The following RILPL2 variants were observed in gnomAD, a reference collection of about 807,000 sequenced individuals.
RILPL2 encodes the protein RILP-like protein 2.
A neutral mutation model predicts 22.2 loss-of-function variants in RILPL2; 19 were observed. That is an observed-to-expected ratio of 0.86 (90% CI 0.60 to 1.25). The LOEUF is 1.25. Among genes scored for constraint, RILPL2 ranks in the 50% most tolerant of loss-of-function variants. The pLI, the probability that RILPL2 is intolerant of heterozygous loss-of-function variation, is 0.00. For missense variants in RILPL2, 243 were observed against 263.6 expected, an observed-to-expected ratio of 0.92 and a Z score of 0.54; for synonymous variants, 123 against 111.6, an observed-to-expected ratio of 1.10 and a Z score of -0.64.
chr12:123,429,424 T>G (rs1879543105), intron 2 of RILPL2, among the ~76,000 whole-genome samples: 1 of 152,100 alleles, frequency 6.6e-6, no homozygotes, highest in South Asian at 2.1e-4. Flanking sequence ...GCCTCCCAGG[T>G]AGCTGGGATT....
At chr12:123,414,085 C>A, downstream of RILPL2, 1 of 153,948 alleles carries the variant, frequency 6.5e-6, no homozygotes, top group Non-Finnish European at 1.4e-5. Flanking sequence ...GCAGATGGAG[C>A]TGCCTGCCAG....
rs755160810 is a variant in RILPL2 at position 123,436,041 on chromosome 12, C to T, written c.339+41G>A. On this transcript the variant is annotated intron_variant, in intron 1 of 3. Transcript: ENST00000280571. The surrounding 1 kb of genome is among the most constrained non-coding windows in gnomAD (Gnocchi z 6.7). ...TGCCAGTAGGTGCCCTCCTACGCCC[C>T]GCAGGCGCCGTGGGCCCGGAACCCT... is the stretch of plus-strand genomic sequence containing the variant. The T allele has an allele frequency of 6.5e-7, 1 of 1,542,430 alleles. No individual in the cohort carries two copies. The highest frequency in any genetic ancestry group is 1.4e-5 in the African/African-American group (1 of 72,940).
chr12:123,430,785 G>T, intron 1 of RILPL2, 126 bp from the exon 2 acceptor site: 1 of 654,774 alleles, frequency 1.5e-6, no homozygotes, highest in Non-Finnish European at 2.0e-6. Flanking sequence ...TTGGCTCCCT[G>T]CAACTTCGGG....
At chr12:123,419,599 C>CT (rs1314895860) in intron 3 of RILPL2, among the ~76,000 whole-genome samples, 8 of 145,770 alleles carry the variant, frequency 5.5e-5, no homozygotes, top group Admixed American at 2.2e-4. Context: ...TATTGACTCC[C>CT]TTTTTTCTTT....
chr12:123,427,537 C>T (rs1054170846), intron 2 of RILPL2, among the ~76,000 whole-genome samples: 1 of 151,794 alleles, frequency 6.6e-6, no homozygotes, highest in African/African-American at 2.4e-5. Context: ...CCATATTTCC[C>T]TGGAATTATA....
chr12:123,429,150 T>A (rs1706477), intron 2 of RILPL2, among the ~76,000 whole-genome samples: 2 of 151,790 alleles, frequency 1.3e-5, no homozygotes, highest in Admixed American at 1.3e-4. Flanking sequence ...TTAACTTTCC[T>A]TATTTTTTTT....
In RILPL2 at chr12:123,423,030, A is replaced by G. The variant is rs774258552; in HGVS notation, c.605+14T>C. ...TTATTTGGCGGGACCGGGGGGCAGC[A>G]AGGTGACACTTACAGCTTTTTTATG... is the stretch of plus-strand genomic sequence containing the variant. On this transcript the variant is annotated intron_variant, in intron 3 of 3. Transcript: ENST00000280571. 2 of 1,578,788 alleles carry G rather than the reference A, an allele frequency of 1.3e-6. No homozygotes were observed. The highest frequency in any genetic ancestry group is 2.2e-5 in the South Asian group (2 of 90,228).
chr12:123,410,288 T>C (rs1181369726), downstream of RILPL2, among the ~76,000 whole-genome samples: 2 of 152,244 alleles, frequency 1.3e-5, no homozygotes, highest in African/African-American at 4.8e-5. Flanking sequence ...TGCACCTGTC[T>C]TGGGCTGGAA....
At chr12:123,435,398 TG>T (rs1879766951) in intron 1 of RILPL2, among the ~76,000 whole-genome samples, 1 of 152,156 alleles carries the variant, frequency 6.6e-6, no homozygotes, top group Non-Finnish European at 1.5e-5. Context: ...TGAATCTTCT[TG>T]TCTATGTCTT....
rs758812211 is a variant in RILPL2 at position 123,423,037 on chromosome 12, CACTT to C, written c.605+3_605+6del. 15 of 1,596,616 alleles carry C rather than the reference CACTT, an allele frequency of 9.4e-6. No individual in the cohort carries two copies. The highest frequency in any genetic ancestry group is 1.1e-5 in the South Asian group (1 of 90,668). On this transcript the variant is annotated splice_donor_5th_base_variant and intron_variant, in intron 3 of 3. Transcript: ENST00000280571. Reference sequence around the variant, plus strand: ...GCGGGACCGGGGGGCAGCAAGGTGACACTTACAGCTTTTTTATGATTGTCTTCTC... The same window carrying C: ...GCGGGACCGGGGGGCAGCAAGGTGACACAGCTTTTTTATGATTGTCTTCTC...
Position 123,419,996 on chromosome 12 carries a change from T to C in RILPL2, c.605+3048A>G, listed in dbSNP as rs1244559559. Among the ~76,000 whole-genome samples, 8 of 150,352 alleles carry C rather than the reference T, an allele frequency of 5.3e-5. No individual in the cohort carries two copies. In the Middle Eastern group the frequency reaches 0.014, roughly 257 times the overall value. On this transcript the variant is annotated intron_variant, in intron 3 of 3. Transcript: ENST00000280571. ...ACACGCCACCACACCCAGCTAATTT[T>C]TGTATTTTTAGTAGAGACGGGGTTT... is the stretch of plus-strand genomic sequence containing the variant.
chr12:123,430,026 G>A (rs1440809450), intron 2 of RILPL2, among the ~76,000 whole-genome samples: 1 of 132,716 alleles, frequency 7.5e-6, no homozygotes, highest in African/African-American at 2.8e-5. Flanking sequence ...TAAGGTGGGA[G>A]AATCGCTTGA....
Position 123,436,520 on chromosome 12 carries a change from C to T in RILPL2, c.-100G>A, listed in dbSNP as rs1023904496. The T allele has an allele frequency of 1.4e-6, 2 of 1,459,214 alleles. No individual in the cohort carries two copies. The highest frequency in any genetic ancestry group is 2.8e-5 in the African/African-American group (2 of 70,800). The allele number at this position is 1,459,214 out of a possible 1,614,324, so 90.4% of individuals were successfully genotyped here. Reference sequence around the variant, plus strand: ...CAAAACTTTCCGCTGGGCAGAGTCCCTACCTGCCCAATCAGCGCGGCCCGG... The same window carrying T: ...CAAAACTTTCCGCTGGGCAGAGTCCTTACCTGCCCAATCAGCGCGGCCCGG... On this transcript the variant is annotated 5_prime_UTR_variant, in exon 1 of 4. Coordinates refer to ENST00000280571, the MANE Select transcript of RILPL2 (RefSeq NM_145058.3). The surrounding 1 kb of genome is among the most constrained non-coding windows in gnomAD (Gnocchi z 6.7).
At chr12:123,414,993 G>T (rs969615965), downstream of RILPL2, 1 of 150,262 alleles carries the variant, frequency 6.7e-6, no homozygotes, top group Non-Finnish European at 1.5e-5. Context: ...CATCTCCCCA[G>T]GTTATGAGGA....
rs185442196 is a variant in RILPL2, at chr12:123,423,347, G to A, written c.492-190C>T. Among the ~76,000 whole-genome samples, 398 of 151,504 alleles carry A rather than the reference G, an allele frequency of 2.6e-3. 1 individual carries two copies. The highest frequency in any genetic ancestry group is 9.1e-3 in the African/African-American group (375 of 41,332). On this transcript the variant is annotated intron_variant, in intron 2 of 3. Transcript: ENST00000280571. ...CTCCTGAATAGCTAGGACTACAGGC[G>A]CCTGCCACCATGCTCGGCTAATTTT...
At chr12:123,416,659 C>T (rs1879127953) in intron 3 of RILPL2, among the ~76,000 whole-genome samples, 1 of 152,096 alleles carries the variant, frequency 6.6e-6, no homozygotes, top group Non-Finnish European at 1.5e-5. Context: ...AACAAAAAAA[C>T]ACATTCATTC....
At chr12:123,418,756 C>CTTTTTTTTTTTTTTTTTTT (rs1202023726) in intron 3 of RILPL2, among the ~76,000 whole-genome samples, 1 of 96,240 alleles carries the variant, frequency 1.0e-5, no homozygotes, top group African/African-American at 3.8e-5. Flanking sequence ...CTTTTTCTTT[C>CTTTTTTTTTTTTTTTTTTT]TTTTTTTTTT....
At chr12:123,414,753 A>G (rs532110054), downstream of RILPL2, 7 of 152,420 alleles carry the variant, frequency 4.6e-5, no homozygotes, top group Admixed American at 2.0e-4. Flanking sequence ...ACACGGCGAA[A>G]CCCTGTCTCT....
rs575178271 is a variant in RILPL2, at chr12:123,428,240, C to G, written c.491+2268G>C. Among the ~76,000 whole-genome samples the G allele has an allele frequency of 8.9e-4, 135 of 152,112 alleles. 4 individuals are homozygous for G. In the South Asian group the frequency reaches 0.028, roughly 31 times the overall value. ...CAAGCTCCACCTCCCAGGTTCACAC[C>G]ATTCTCCTGCCTCAGCCTCCCAAGT... On this transcript the variant is annotated intron_variant, in intron 2 of 3. Transcript: ENST00000280571.
Sources: allele counts gnomAD v4.1 joint callset (sites outside exome capture counted in the v4.1 genomes callset), GRCh38; gene constraint gnomAD v4.1.1; non-coding constraint Gnocchi (gnomAD v3.1); transcripts MANE v1.5; gene names NCBI Gene and HGNC (gene_info 2026-07-23, HGNC 2026-07-21).